Variants in CELA3B observed in about 807,000 individuals in gnomAD.
CELA3B encodes chymotrypsin like elastase 3B, also known as chymotrypsin-like elastase family member 3B.
Under a neutral mutation model 37.2 loss-of-function variants are expected in CELA3B, and 34 were observed. The ratio of observed to expected loss-of-function variants is 0.91; its 90% CI spans 0.70 to 1.22. The LOEUF is 1.22. Among genes scored for constraint, CELA3B ranks in the 50% most tolerant of loss-of-function variants. The probability of loss-of-function intolerance (pLI) is 0.00; values close to 1 mark genes in which losing one functional copy is unlikely to be tolerated. For synonymous variants in CELA3B, 127 were observed against 143.5 expected (o/e 0.89, Z 0.82); for missense variants, 340 against 363.1 (o/e 0.94, Z 0.52).
At position 21,984,244 on chromosome 1, in the gene CELA3B, T is replaced by G; in HGVS notation, c.555T>G (p.Tyr185Ter). ...AGGCCCTGCTGCCGGTGGTGGACTATGAACACTGCTCCAGGTGGAACTGGT... is the reference window on the plus strand; with the variant it reads ...AGGCCCTGCTGCCGGTGGTGGACTAGGAACACTGCTCCAGGTGGAACTGGT... ...LQEALLPVVD[Y>*]EHCSRWNWWG... Residue 185 changes from tyrosine to a stop codon, truncating the protein, a stop_gained, in exon 6 of 8, where the codon TAT becomes TAG. Coordinates refer to ENST00000337107, the MANE Select transcript of CELA3B (RefSeq NM_007352.4). LOFTEE classifies it high-confidence loss of function. 2 of 1,614,202 alleles carry G rather than the reference T, an allele frequency of 1.2e-6. No individual in the cohort carries two copies. Among genetic ancestry groups the G allele is most frequent in the South Asian group, 2.2e-5 (2 of 91,082 alleles).
intron 6 of CELA3B, 21 bp from the exon 7 acceptor site, chr1:21,986,510 A>C (rs1330094341): frequency 6.2e-7 from 1 of 1,612,482 alleles, no homozygotes; most frequent in Admixed American, 1.7e-5. Flanking sequence ...TCAGCCACCC[A>C]CACCTCTCTG....
chr1:21,992,047 G>A (rs980573444), downstream of CELA3B, among the ~76,000 whole-genome samples: 2 of 151,042 alleles, frequency 1.3e-5, no homozygotes, highest in African/African-American at 4.9e-5. Context: ...TTGAAACTGG[G>A]AGGCAGATGT....
intron 7 of CELA3B, among the ~76,000 whole-genome samples, chr1:21,988,646 C>T (rs1450165084): frequency 6.9e-6 from 1 of 143,914 alleles, no homozygotes; most frequent in Non-Finnish European, 1.5e-5. Flanking sequence ...AATCCCACCA[C>T]TTTGGGAGGC....
At chr1:21,984,137 C>T (rs1461020640) in intron 5 of CELA3B, 52 bp from the exon 6 acceptor site, 5 of 1,578,984 alleles carry the variant, frequency 3.2e-6, no homozygotes, top group Non-Finnish European at 4.3e-6. Flanking sequence ...TCCTCTGGGG[C>T]TCCTAGCCCT....
At chr1:21,978,909 C>T (rs182446673) in intron 2 of CELA3B, among the ~76,000 whole-genome samples, 2,197 of 151,536 alleles carry the variant, frequency 0.014, 61 homozygotes, top group African/African-American at 0.051. Flanking sequence ...AGGCCGGGCA[C>T]GGTGGCTCAC....
chr1:21,984,689 G>A (rs540420824), intron 6 of CELA3B, among the ~76,000 whole-genome samples: 3 of 152,300 alleles, frequency 2.0e-5, no homozygotes, highest in South Asian at 4.1e-4. Flanking sequence ...GCTCATGCCT[G>A]TAATCCTAGC....
intron 4 of CELA3B, among the ~76,000 whole-genome samples, chr1:21,995,390 G>A (rs1415413242): frequency 1.3e-5 from 2 of 150,796 alleles, no homozygotes. Context: ...TGTCTGCCTC[G>A]GCCTCACAAA....
At chr1:21,989,165 G>A (rs1239454612) in intron 7 of CELA3B, 97 bp from the exon 8 acceptor site, 27 of 1,591,432 alleles carry the variant, frequency 1.7e-5, no homozygotes, top group Non-Finnish European at 2.2e-5. Flanking sequence ...CTCTCCCAGG[G>A]TCACACAGCA....
At chr1:21,981,377 C>T (rs1272685217) in intron 4 of CELA3B, among the ~76,000 whole-genome samples, 2 of 146,408 alleles carry the variant, frequency 1.4e-5, no homozygotes, top group African/African-American at 5.0e-5. Context: ...TGTCTCCCTA[C>T]AGAGGGGATG....
chr1:21,983,548 A>AATGATGATGATGATGATG lies in CELA3B; in HGVS notation c.363-144_363-127dup, dbSNP rs150910376. The stretch of plus-strand genomic sequence containing the variant: ...ATGGAGACTCTGTCTCAATAATAAT[A>AATGATGATGATGATGATG]ATGATGATGATGATGATGAAAGAGT... On this transcript the variant is annotated intron_variant, in intron 4 of 7. Coordinates refer to ENST00000337107, the MANE Select transcript of CELA3B (RefSeq NM_007352.4). 28 of 1,058,084 alleles carry AATGATGATGATGATGATG rather than the reference A, an allele frequency of 2.6e-5. No individual in the cohort carries two copies. The African/African-American group carries it at 3.9e-4, about 15-fold the overall frequency. 65.5% of individuals were successfully genotyped at this position (1,058,084 alleles called of 1,614,324 possible). A position where few individuals can be genotyped will look rare whatever the true frequency, so the allele number is the denominator to read the frequency against.
At chr1:21,986,721 G>T in intron 7 of CELA3B, 38 bp downstream of exon 7, 2 of 1,591,366 alleles carry the variant, frequency 1.3e-6, no homozygotes, top group Non-Finnish European at 1.7e-6. Context: ...CTTTAGGGTG[G>T]TGGCTCTTCT....
chr1:21,997,450 G>T (rs1239917040), intron 4 of CELA3B, among the ~76,000 whole-genome samples: 1 of 150,796 alleles, frequency 6.6e-6, no homozygotes, highest in Non-Finnish European at 1.5e-5. Context: ...CACTTTGGGA[G>T]GCCAAGGTGG....
chr1:21,985,247 C>A (rs1469581720), intron 6 of CELA3B, among the ~76,000 whole-genome samples: 1 of 151,028 alleles, frequency 6.6e-6, no homozygotes, highest in Non-Finnish European at 1.5e-5. Flanking sequence ...TTTGCCACTG[C>A]ACTCAAGCCT....
At chr1:21,985,818 G>A (rs1464846426) in intron 6 of CELA3B, among the ~76,000 whole-genome samples, 1 of 152,050 alleles carries the variant, frequency 6.6e-6, no homozygotes, top group Admixed American at 6.6e-5. Flanking sequence ...GTGAACCTGG[G>A]AGGCGGAGCT....
chr1:21,981,918 G>C (rs1481801399), intron 4 of CELA3B, among the ~76,000 whole-genome samples: 1 of 151,838 alleles, frequency 6.6e-6, no homozygotes, highest in Non-Finnish European at 1.5e-5. Flanking sequence ...GTAGAGACGG[G>C]GTTTCACCGT....
chr1:21,985,692 C>T (rs954547068), intron 6 of CELA3B, among the ~76,000 whole-genome samples: 5 of 151,570 alleles, frequency 3.3e-5, no homozygotes, highest in African/African-American at 7.3e-5. Context: ...GAGATCGAGA[C>T]CATCCTGGCT....
intron 2 of CELA3B, among the ~76,000 whole-genome samples, chr1:21,979,448 C>CTTTTTTTTTTTTTTTTTTTT (rs796330030): frequency 1.8e-5 from 2 of 108,554 alleles, no homozygotes; most frequent in Non-Finnish European, 3.4e-5. Context: ...CTTTTCTTTT[C>CTTTTTTTTTTTTTTTTTTTT]TTTTCTTTTT....
chr1:21,978,996 G>A (rs1184756138), intron 2 of CELA3B, among the ~76,000 whole-genome samples: 1 of 151,332 alleles, frequency 6.6e-6, no homozygotes, highest in African/African-American at 2.4e-5. Context: ...GCAGTGAGAT[G>A]AGATCGCACC....
At chr1:21,996,599 C>T (rs1002685986) in intron 4 of CELA3B, among the ~76,000 whole-genome samples, 1 of 151,270 alleles carries the variant, frequency 6.6e-6, no homozygotes, top group Non-Finnish European at 1.5e-5. Context: ...AATTAACTTG[C>T]TTTCACTTTC....
Sources: allele counts gnomAD v4.1 joint callset (sites outside exome capture counted in the v4.1 genomes callset), GRCh38; gene constraint gnomAD v4.1.1; transcripts MANE v1.5; gene names NCBI Gene and HGNC (gene_info 2026-07-23, HGNC 2026-07-21).